The following PLCXD3 variants were observed in gnomAD, a reference collection of about 807,000 sequenced individuals.
PLCXD3 encodes PI-PLC X domain-containing protein 3.
In PLCXD3, 19 loss-of-function variants were observed where a neutral mutation model predicts 25.5. The observed-to-expected ratio is 0.75, with a 90% CI of 0.52 to 1.09. The LOEUF (loss-of-function observed/expected upper bound fraction) is 1.09, where lower values mean the gene tolerates loss of function less well. Among genes scored for constraint, PLCXD3 ranks in the 50% least tolerant of loss-of-function variants. The pLI is 0.00. For missense variants in PLCXD3, 411 were observed against 388.1 expected (o/e 1.06, Z -0.50); for synonymous variants, 174 against 137.6 (o/e 1.26, Z -1.85).
intron 2 of PLCXD3, among the ~76,000 whole-genome samples, chr5:41,377,272 G>T (rs1046941354): frequency 4.3e-4 from 66 of 151,956 alleles, no homozygotes; most frequent in African/African-American, 1.5e-3. Context: ...ATATAACACA[G>T]TAAAGGATCT....
chr5:41,456,162 A>T (rs1747748710), intron 1 of PLCXD3, among the ~76,000 whole-genome samples: 1 of 151,852 alleles, frequency 6.6e-6, no homozygotes, highest in African/African-American at 2.4e-5. Flanking sequence ...ATCATAATGA[A>T]AGTGACCTTT....
chr5:41,361,244 C>T (rs955857659), intron 2 of PLCXD3, among the ~76,000 whole-genome samples: 1 of 152,172 alleles, frequency 6.6e-6, no homozygotes, highest in Non-Finnish European at 1.5e-5. Context: ...AAAGGCTAGT[C>T]TCACTCTCAC....
chr5:41,508,692 C>T (rs544649825), intron 1 of PLCXD3, among the ~76,000 whole-genome samples: 3 of 152,344 alleles, frequency 2.0e-5, no homozygotes, highest in Non-Finnish European at 2.9e-5. Context: ...AGAGAGTCAC[C>T]TGCCAGAAGG....
intron 1 of PLCXD3, among the ~76,000 whole-genome samples, chr5:41,413,972 G>C (rs1332902210): frequency 6.6e-6 from 1 of 152,146 alleles, no homozygotes; most frequent in Admixed American, 6.5e-5. Context: ...AGCCAGACCT[G>C]AAGCCTTGGA....
In PLCXD3 at chr5:41,510,590, C is replaced by T. The variant is rs989866641; in HGVS notation, c.-64G>A. ...CTCGGGCAGGCTGGCAGGCTGCTGC[C>T]GCTAATCCAATGTTTGCTCTAGCCC... On this transcript the variant is annotated 5_prime_UTR_variant, in exon 1 of 3. Coordinates refer to ENST00000377801, the MANE Select transcript of PLCXD3 (RefSeq NM_001005473.3). The T allele has an allele frequency of 5.4e-6, 7 of 1,308,208 alleles. No homozygotes were observed. Among genetic ancestry groups the T allele is most frequent in the Non-Finnish European group, 7.6e-6 (7 of 919,216 alleles). The allele number at this position is 1,308,208 out of a possible 1,614,324, so 81.0% of individuals were successfully genotyped here.
At chr5:41,353,671 T>C (rs978745137) in intron 2 of PLCXD3, among the ~76,000 whole-genome samples, 12 of 152,222 alleles carry the variant, frequency 7.9e-5, no homozygotes, top group African/African-American at 2.9e-4. Context: ...GGGAGAAAGA[T>C]AATAAATGAA....
intron 1 of PLCXD3, among the ~76,000 whole-genome samples, chr5:41,490,712 T>A (rs1748647070): frequency 6.6e-6 from 1 of 152,234 alleles, no homozygotes; most frequent in Non-Finnish European, 1.5e-5. Flanking sequence ...ATTTTCTAGT[T>A]TATTTGCATA....
intron 1 of PLCXD3, among the ~76,000 whole-genome samples, chr5:41,462,433 C>G (rs915834578): frequency 2.0e-5 from 3 of 151,936 alleles, no homozygotes; most frequent in Admixed American, 6.6e-5. Flanking sequence ...GATAATTAAT[C>G]TTGGCTGGAA....
intron 1 of PLCXD3, among the ~76,000 whole-genome samples, chr5:41,387,803 A>C (rs969828044): frequency 5.3e-5 from 8 of 152,146 alleles, no homozygotes; most frequent in African/African-American, 1.9e-4. Flanking sequence ...AGTATAAGAC[A>C]AGCATTGTTC....
intron 2 of PLCXD3, among the ~76,000 whole-genome samples, chr5:41,353,634 C>G (rs1018770389): frequency 7.9e-5 from 12 of 152,108 alleles, no homozygotes; most frequent in Non-Finnish European, 1.3e-4. Context: ...AAAATCCATG[C>G]CTTTGTGTAG....
intron 1 of PLCXD3, among the ~76,000 whole-genome samples, chr5:41,435,669 C>T (rs1402623026): frequency 6.6e-6 from 1 of 152,210 alleles, no homozygotes; most frequent in Non-Finnish European, 1.5e-5. Flanking sequence ...TTTGATAGAA[C>T]TTCCCAAAAC....
At chr5:41,483,694 T>C (rs1748460507) in intron 1 of PLCXD3, among the ~76,000 whole-genome samples, 1 of 152,152 alleles carries the variant, frequency 6.6e-6, no homozygotes, top group Non-Finnish European at 1.5e-5. Flanking sequence ...TTAAAAATGA[T>C]TAAAATGGTA....
chr5:41,492,188 T>A (rs1338045777), intron 1 of PLCXD3, among the ~76,000 whole-genome samples: 5 of 152,192 alleles, frequency 3.3e-5, no homozygotes, highest in African/African-American at 9.6e-5. Context: ...TCTCCTTCAC[T>A]TATGAAGCTT....
At chr5:41,434,742 T>G (rs1360469535) in intron 1 of PLCXD3, among the ~76,000 whole-genome samples, 3 of 152,024 alleles carry the variant, frequency 2.0e-5, no homozygotes, top group African/African-American at 4.8e-5. Context: ...ACAGGCATTG[T>G]GTAGAAAAGT....
chr5:41,322,596 A>G (rs1488569063), intron 2 of PLCXD3, among the ~76,000 whole-genome samples: 9 of 152,248 alleles, frequency 5.9e-5, no homozygotes, highest in Admixed American at 5.2e-4. Flanking sequence ...TATTGAAGAG[A>G]TATCTGCACT....
Position 41,382,046 on chromosome 5 carries a change from G to C in PLCXD3, c.592C>G (p.Pro198Ala), listed in dbSNP as rs753037304. The change falls in exon 2 of 3, where the codon CCA (proline) becomes GCA (alanine). Residue 198 changes from proline to alanine, a missense_variant. Physicochemically the swap from Pro to Ala is conservative, Grantham distance 27. Coordinates refer to ENST00000377801, the MANE Select transcript of PLCXD3 (RefSeq NM_001005473.3). The stretch of plus-strand genomic sequence containing the variant: ...AGAAAGGGCACTTCCAGAGCCACTG[G>C]ACTATGGTAGAAGACCAGCACTTGA... Reference protein sequence around the residue: ...DYQVLVFYHSPVALEVPFLWP... With the variant: ...DYQVLVFYHSAVALEVPFLWP... The C allele has an allele frequency of 7.4e-6, 12 of 1,613,492 alleles. No individual in the cohort carries two copies. Among genetic ancestry groups the C allele is most frequent in the Non-Finnish European group, 9.3e-6 (11 of 1,179,744 alleles).
chr5:41,505,570 C>T (rs938695368), intron 1 of PLCXD3, among the ~76,000 whole-genome samples: 1 of 152,136 alleles, frequency 6.6e-6, no homozygotes, highest in East Asian at 1.9e-4. Flanking sequence ...TGGTCCTGTG[C>T]ACCACAAAGA....
chr5:41,408,202 G>T (rs1047799952), intron 1 of PLCXD3, among the ~76,000 whole-genome samples: 4 of 152,146 alleles, frequency 2.6e-5, no homozygotes, highest in African/African-American at 9.7e-5. Flanking sequence ...ATTATCAGCA[G>T]GGCTTCCAGA....
chr5:41,492,363 T>G (rs1362285939), intron 1 of PLCXD3, among the ~76,000 whole-genome samples: 51 of 152,290 alleles, frequency 3.3e-4, no homozygotes, highest in Non-Finnish European at 6.0e-4. Flanking sequence ...TGGCTGCCCT[T>G]AACATTTTTT....
Sources: allele counts gnomAD v4.1 joint callset (sites outside exome capture counted in the v4.1 genomes callset), GRCh38; gene constraint gnomAD v4.1.1; transcripts MANE v1.5; gene names NCBI Gene and HGNC (gene_info 2026-07-23, HGNC 2026-07-21).